Variants in SMYD3 observed in about 807,000 individuals in gnomAD.
SMYD3 encodes histone-lysine N-methyltransferase SMYD3.
In SMYD3, 36 loss-of-function variants were observed where a neutral mutation model predicts 57.7. The ratio of observed to expected loss-of-function variants is 0.62; its 90% confidence interval spans 0.48 to 0.82. The LOEUF is 0.82. SMYD3 is among the 40% of genes least tolerant of loss of function. The pLI, the probability that SMYD3 is intolerant of heterozygous loss-of-function variation, is 0.00. For missense variants in SMYD3, 515 were observed against 538.8 expected (o/e 0.96, Z 0.44); for synonymous variants, 211 against 195.0 (o/e 1.08, Z -0.68).
At chr1:246,366,844 T>A (rs2066111196) in intron 1 of SMYD3, among the ~76,000 whole-genome samples, 1 of 147,564 alleles carries the variant, frequency 6.8e-6, no homozygotes, top group Non-Finnish European at 1.5e-5. Flanking sequence ...GGCAAGAGAA[T>A]CGCTTGAACC....
chr1:246,467,068 G>C (rs187886933), intron 1 of SMYD3, among the ~76,000 whole-genome samples: 1 of 152,176 alleles, frequency 6.6e-6, no homozygotes, highest in Non-Finnish European at 1.5e-5. Context: ...TACTTAGGAG[G>C]CTGAGGTAGG....
At chr1:246,394,637 C>T (rs1481242966) in intron 1 of SMYD3, among the ~76,000 whole-genome samples, 1 of 152,236 alleles carries the variant, frequency 6.6e-6, no homozygotes, top group East Asian at 1.9e-4. Context: ...CAGCAATCAA[C>T]TCCCAAACTT....
At chr1:245,779,170 AAAAAAAAAAAAG>A (rs1014946153) in intron 10 of SMYD3, among the ~76,000 whole-genome samples, 9 of 147,032 alleles carry the variant, frequency 6.1e-5, no homozygotes, top group South Asian at 2.1e-4. Context: ...AAGGGGAAAA[AAAAAAAAAAAAG>A]AAAAAGAAAA....
intron 5 of SMYD3, among the ~76,000 whole-genome samples, chr1:246,324,784 A>G (rs904731948): frequency 1.3e-5 from 2 of 151,376 alleles, no homozygotes; most frequent in African/African-American, 4.9e-5. Flanking sequence ...TTAATTTTAT[A>G]CCAGAGTAAA....
At chr1:245,942,750 T>C (rs1223690584) in intron 5 of SMYD3, among the ~76,000 whole-genome samples, 1 of 152,210 alleles carries the variant, frequency 6.6e-6, no homozygotes, top group Non-Finnish European at 1.5e-5. Context: ...AAAACACTAA[T>C]CAGCAAATGC....
At chr1:246,280,212 C>T (rs1349652241) in intron 5 of SMYD3, among the ~76,000 whole-genome samples, 1 of 152,132 alleles carries the variant, frequency 6.6e-6, no homozygotes, top group Non-Finnish European at 1.5e-5. Flanking sequence ...ATTTCATATG[C>T]AAGCTATAAC....
At chr1:246,118,812 CTT>C (rs10623626) in intron 5 of SMYD3, among the ~76,000 whole-genome samples, 24,654 of 139,430 alleles carry the variant, frequency 0.18, 2,870 homozygotes, top group East Asian at 0.39. Context: ...GAGGCACGTG[CTT>C]TTTTTTTTTT....
Position 246,273,012 on chromosome 1 carries a change from T to G in SMYD3, c.531+54189A>C, listed in dbSNP as rs557411306. 2.0e-5 allele frequency among the ~76,000 whole-genome samples: 3 copies of G among 152,280 alleles called. No individual in the cohort carries two copies. The South Asian group carries it at 6.2e-4, about 32-fold the overall frequency. Reference sequence around the variant, plus strand: ...TCATAATTTTTGTCTTTCACAGTTTTTTATATTTCCAGAAGTTTGTCCCTT... The same window carrying G: ...TCATAATTTTTGTCTTTCACAGTTTGTTATATTTCCAGAAGTTTGTCCCTT... On this transcript the variant is annotated intron_variant, in intron 5 of 11. Transcript: ENST00000490107.
intron 5 of SMYD3, among the ~76,000 whole-genome samples, chr1:246,201,741 G>A (rs941273742): frequency 2.0e-5 from 3 of 152,166 alleles, no homozygotes; most frequent in South Asian, 2.1e-4. Context: ...GGCCAGGCGC[G>A]GTGGCTCACG....
At position 246,221,004 on chromosome 1, in the gene SMYD3, G is replaced by A. The variant is rs185860426; in HGVS notation, c.531+106197C>T. On this transcript the variant is annotated intron_variant, in intron 5 of 11. Coordinates refer to ENST00000490107, the MANE Select transcript of SMYD3 (RefSeq NM_001167740.2). ...TGAGAGAACAGACAGATGATGGGACGACCAGCTGCAGAGAGGAGCTACCCT... is the reference window on the plus strand; with the variant it reads ...TGAGAGAACAGACAGATGATGGGACAACCAGCTGCAGAGAGGAGCTACCCT... Among the ~76,000 whole-genome samples, 249 of 151,586 alleles carry A rather than the reference G, an allele frequency of 1.6e-3. 3 individuals carry two copies. Among genetic ancestry groups the A allele is most frequent in the Non-Finnish European group, 4.0e-4 (27 of 67,806 alleles).
chr1:245,854,415 G>A (rs1054356099), intron 10 of SMYD3, among the ~76,000 whole-genome samples: 22 of 152,140 alleles, frequency 1.4e-4, no homozygotes, highest in African/African-American at 5.1e-4. Flanking sequence ...GTTTGACACA[G>A]TACACATAAA....
chr1:245,857,623 G>A (rs541214149), intron 10 of SMYD3, among the ~76,000 whole-genome samples: 1 of 133,608 alleles, frequency 7.5e-6, no homozygotes, highest in Admixed American at 7.6e-5. Flanking sequence ...CTCTGCCATC[G>A]CTCCTGGTCA....
At chr1:246,363,206 T>A (rs1412225607) in intron 1 of SMYD3, among the ~76,000 whole-genome samples, 1 of 146,134 alleles carries the variant, frequency 6.8e-6, no homozygotes. Flanking sequence ...GTCTGGGAAG[T>A]GAGGAGCGTC....
intron 1 of SMYD3, among the ~76,000 whole-genome samples, chr1:246,381,691 A>G (rs2066388189): frequency 6.6e-6 from 1 of 152,222 alleles, no homozygotes; most frequent in African/African-American, 2.4e-5. Flanking sequence ...AATGTTTGCT[A>G]AAGAAACAAA....
intron 1 of SMYD3, among the ~76,000 whole-genome samples, chr1:246,404,248 G>A (rs6665003): frequency 0.44 from 67,418 of 152,070 alleles, 15,579 homozygotes; most frequent in Admixed American, 0.54. Flanking sequence ...GTTTTTGTGT[G>A]TTGAGGCCTT....
intron 5 of SMYD3, among the ~76,000 whole-genome samples, chr1:246,234,234 G>A (rs1417231473): frequency 6.6e-6 from 1 of 151,270 alleles, no homozygotes; most frequent in African/African-American, 2.4e-5. Context: ...AATTCACACT[G>A]TGATGAACAT....
Position 245,917,593 on chromosome 1 carries a change from C to T in SMYD3, c.703-1953G>A, listed in dbSNP as rs147661183. Among the ~76,000 whole-genome samples, 1,040 of 152,248 alleles carry T rather than the reference C, an allele frequency of 6.8e-3. 13 individuals carry two copies. Among genetic ancestry groups the T allele is most frequent in the African/African-American group, 0.023 (945 of 41,528 alleles). ...CCTTCTGCCCCGTTTACTATGACAACCTCCCTCATCGCCTTTGAGTTTCAG... is the reference window on the plus strand; with the variant it reads ...CCTTCTGCCCCGTTTACTATGACAATCTCCCTCATCGCCTTTGAGTTTCAG... On this transcript the variant is annotated intron_variant, in intron 7 of 11. Coordinates refer to ENST00000490107, the MANE Select transcript of SMYD3 (RefSeq NM_001167740.2).
chr1:245,827,834 C>T (rs990003284), intron 10 of SMYD3, among the ~76,000 whole-genome samples: 2 of 152,174 alleles, frequency 1.3e-5, no homozygotes, highest in Admixed American at 1.3e-4. Flanking sequence ...CATGTGGTTA[C>T]AGAGCTAATT....
intron 10 of SMYD3, among the ~76,000 whole-genome samples, chr1:245,814,834 GCACACA>G (rs1166365885): frequency 6.7e-6 from 1 of 149,000 alleles, no homozygotes; most frequent in Non-Finnish European, 1.5e-5. Context: ...ACGCACACAC[GCACACA>G]CATGCACGCA....
Sources: allele counts gnomAD v4.1 joint callset (sites outside exome capture counted in the v4.1 genomes callset), GRCh38; gene constraint gnomAD v4.1.1; transcripts MANE v1.5; gene names NCBI Gene and HGNC (gene_info 2026-07-23, HGNC 2026-07-21).